The following AXIN2 variants were observed in gnomAD, a reference collection of about 807,000 sequenced individuals.
AXIN2 encodes axin-2.
A neutral mutation model predicts 74.7 loss-of-function variants in AXIN2; 21 were observed. That is an observed-to-expected ratio of 0.28 (90% CI 0.20 to 0.40). The LOEUF (loss-of-function observed/expected upper bound fraction) is 0.40. AXIN2 is among the 10% of genes least tolerant of loss of function. The probability of loss-of-function intolerance (pLI) is 1.00; values close to 1 mark genes in which losing one functional copy is unlikely to be tolerated. For synonymous variants in AXIN2, 532 were observed against 454.9 expected (o/e 1.17, Z -2.16); for missense variants, 1,144 against 1,111.1 (o/e 1.03, Z -0.42).
At chr17:65,555,756 G>A (rs2044258062) in intron 2 of AXIN2, among the ~76,000 whole-genome samples, 3 of 152,100 alleles carry the variant, frequency 2.0e-5, no homozygotes, top group Admixed American at 1.3e-4. Flanking sequence ...CTTTGAATAA[G>A]GAGTCAGCAG....
At chr17:65,561,008 G>A (rs1441192562) in intron 1 of AXIN2, 1 of 148,710 alleles carries the variant, frequency 6.7e-6, no homozygotes, top group Non-Finnish European at 1.5e-5. Flanking sequence ...CCCGGGTTCA[G>A]AGCGAAAGCC....
chr17:65,543,521 G>C (rs1188578895), intron 3 of AXIN2, among the ~76,000 whole-genome samples: 1 of 152,112 alleles, frequency 6.6e-6, no homozygotes, highest in Non-Finnish European at 1.5e-5. Flanking sequence ...CCTATAATCA[G>C]ACTTCATTCT....
chr17:65,555,186 C>T (rs886157942), intron 2 of AXIN2, among the ~76,000 whole-genome samples: 44 of 152,154 alleles, frequency 2.9e-4, no homozygotes, highest in Non-Finnish European at 4.7e-4. Context: ...CTGGCCAGTG[C>T]CCCAGGCATC....
chr17:65,557,539 T>A (rs772014995), intron 2 of AXIN2, among the ~76,000 whole-genome samples: 5 of 152,146 alleles, frequency 3.3e-5, no homozygotes, highest in African/African-American at 1.2e-4. Context: ...TCTGAGACAC[T>A]AGCCCGGGAT....
rs2144583032 is a variant in AXIN2 at position 65,557,928 on chromosome 17, T to C, written c.693A>G (p.Glu231=). ...TGAAGTCGGCACAAGTCCACTCCTC[T>C]TCTTCATTCAAGGTGGGGAGATAGC... is the stretch of plus-strand genomic sequence containing the variant. ...VCGYLPTLNE[E]EEWTCADFKC... is the part of the protein sequence containing the mutation. The change falls in exon 2 of 11, where the codon GAA becomes GAG. Residue 231 remains glutamate, a synonymous_variant. Coordinates refer to ENST00000307078, the MANE Select transcript of AXIN2 (RefSeq NM_004655.4). 1.2e-6 allele frequency: 2 copies of C among 1,614,186 alleles called. No homozygotes were observed. Among genetic ancestry groups the C allele is most frequent in the South Asian group, 1.1e-5 (1 of 91,088 alleles).
chr17:65,557,980 C>A lies in AXIN2; in HGVS notation c.641G>T (p.Gly214Val), dbSNP rs1419378216. Residue 214 changes from glycine to valine, a missense_variant, in exon 2 of 11, where the codon GGA becomes GTA. Coordinates refer to ENST00000307078, the MANE Select transcript of AXIN2 (RefSeq NM_004655.4). ...ACACACGACCTTTAGGCTCCCGAGT[C>A]CCCCATTACTCATGTAAGCTGTGTT... ...GENTAYMSNG[G>V]LGSLKVVCGY... 18 of 1,614,044 alleles carry A rather than the reference C, an allele frequency of 1.1e-5. No homozygotes were observed. The highest frequency in any genetic ancestry group is 1.5e-5 in the Non-Finnish European group (18 of 1,180,044).
chr17:65,538,016 A>T, intron 5 of AXIN2, 181 bp from the exon 6 acceptor site: 1 of 1,320,686 alleles, frequency 7.6e-7, no homozygotes, highest in Non-Finnish European at 1.0e-6. Context: ...GCATATGCAC[A>T]CCCACACGCA....
chr17:65,550,153 A>G (rs2044170836), intron 2 of AXIN2, among the ~76,000 whole-genome samples: 2 of 152,218 alleles, frequency 1.3e-5, no homozygotes, highest in African/African-American at 2.4e-5. Flanking sequence ...CCAGAGATGC[A>G]AACAGCTAGA....
chr17:65,558,233 C>T lies in AXIN2; in HGVS notation c.388G>A (p.Val130Ile), dbSNP rs2044302884. The T allele has an allele frequency of 6.2e-7, 1 of 1,614,096 alleles. No individual in the cohort carries two copies. Among genetic ancestry groups the T allele is most frequent in the Non-Finnish European group, 8.5e-7 (1 of 1,180,018 alleles). The stretch of plus-strand genomic sequence containing the variant: ...TACCTTTTGTAGATCGCTTTGGCTA[C>T]TCGTAAAGTTTTGGTATCCTTCAGG... ...MNLKDTKTLRVAKAIYKRYIE... is the reference protein window; with the variant it reads ...MNLKDTKTLRIAKAIYKRYIE... The change falls in exon 2 of 11, where the codon GTA becomes ATA. Residue 130 changes from valine to isoleucine, a missense_variant. Around this residue, in one of 4 missense-constraint regions of AXIN2, gnomAD observed 1,053 missense variants for 973.5 expected, o/e 1.08. Transcript: ENST00000307078.
intron 2 of AXIN2, among the ~76,000 whole-genome samples, chr17:65,552,766 C>T (rs968721381): frequency 2.0e-5 from 3 of 152,198 alleles, no homozygotes; most frequent in Admixed American, 6.5e-5. Context: ...CGGTGACCCA[C>T]GCCTATAATC....
In AXIN2 at chr17:65,551,072, A is replaced by C. The variant is rs1465599017; in HGVS notation, c.816-1412T>G. Among the ~76,000 whole-genome samples, 6 of 152,172 alleles carry C rather than the reference A, an allele frequency of 3.9e-5. No individual in the cohort carries two copies. The East Asian group carries it at 1.2e-3, about 29-fold the overall frequency. On this transcript the variant is annotated intron_variant, in intron 2 of 10. Coordinates refer to ENST00000307078, the MANE Select transcript of AXIN2 (RefSeq NM_004655.4). The stretch of plus-strand genomic sequence containing the variant: ...AACTGCCTCCCAATACAAAGACTAG[A>C]CTCAACATGTTTCCAAGTTCTCACA...
At chr17:65,554,906 G>A (rs1016145088) in intron 2 of AXIN2, among the ~76,000 whole-genome samples, 12 of 152,272 alleles carry the variant, frequency 7.9e-5, no homozygotes, top group Non-Finnish European at 1.3e-4. Flanking sequence ...CACACACCTC[G>A]ACACTGTGCG....
chr17:65,541,274 C>G (rs1035793588), intron 4 of AXIN2, among the ~76,000 whole-genome samples, 181 bp downstream of exon 4: 7 of 152,214 alleles, frequency 4.6e-5, no homozygotes, highest in African/African-American at 1.7e-4. Context: ...CTCACCATCA[C>G]AACCCAAAAA....
chr17:65,530,470 C>T (rs2043798269), intron 10 of AXIN2, among the ~76,000 whole-genome samples: 1 of 152,230 alleles, frequency 6.6e-6, no homozygotes, highest in African/African-American at 2.4e-5. Context: ...AGGACAAATG[C>T]CTGCAGTTCC....
chr17:65,548,694 G>A (rs1336451079), intron 3 of AXIN2, among the ~76,000 whole-genome samples: 3 of 152,184 alleles, frequency 2.0e-5, no homozygotes, highest in Admixed American at 1.3e-4. Context: ...CCAGGCCACA[G>A]CTACACATCC....
At chr17:65,545,730 C>G (rs2144520253) in intron 3 of AXIN2, among the ~76,000 whole-genome samples, 1 of 152,262 alleles carries the variant, frequency 6.6e-6, no homozygotes, top group East Asian at 1.9e-4. Context: ...TTCTCAGAGG[C>G]CCAAATGCCC....
intron 3 of AXIN2, among the ~76,000 whole-genome samples, chr17:65,546,840 C>T (rs1479221900): frequency 6.6e-6 from 1 of 152,184 alleles, no homozygotes; most frequent in Non-Finnish European, 1.5e-5. Flanking sequence ...TCCAAGGCAG[C>T]TTTGCCACAG....
Position 65,551,193 on chromosome 17 carries a change from AGATGGGACT to A in AXIN2, c.816-1542_816-1534del, listed in dbSNP as rs566351762. Among the ~76,000 whole-genome samples, 46 of 152,288 alleles carry A rather than the reference AGATGGGACT, an allele frequency of 3.0e-4. No homozygotes were observed. In the East Asian group the frequency reaches 6.4e-3, roughly 21 times the overall value. On this transcript the variant is annotated intron_variant, in intron 2 of 10. Transcript: ENST00000307078. ...ACAGTTGGGGACGGCTCCCTGGGAC[AGATGGGACT>A]GATGGGACTAATGGGACTAACGGGA...
intron 4 of AXIN2, among the ~76,000 whole-genome samples, chr17:65,539,307 A>C (rs2044005278): frequency 1.3e-5 from 2 of 152,070 alleles, no homozygotes. Context: ...CATCTCCCCC[A>C]GCTGAAAAGA....
Sources: allele counts gnomAD v4.1 joint callset (sites outside exome capture counted in the v4.1 genomes callset), GRCh38; gene constraint gnomAD v4.1.1; regional missense constraint gnomAD v4.1.1; transcripts MANE v1.5; gene names NCBI Gene and HGNC (gene_info 2026-07-23, HGNC 2026-07-21).